Variants in AP3B1 observed in about 807,000 individuals in gnomAD.
The protein encoded by AP3B1 is adaptor related protein complex 3 subunit beta 1.
A neutral mutation model predicts 132.5 loss-of-function variants in AP3B1; 61 were observed. The observed-to-expected ratio is 0.46, with a 90% CI of 0.37 to 0.57. AP3B1 has a LOEUF of 0.57. AP3B1 is among the 20% of genes least tolerant of loss of function. AP3B1 has a pLI of 0.00. For synonymous variants in AP3B1, 388 were observed against 438.3 expected (o/e 0.89, Z 1.43); for missense variants, 1,120 against 1,289.4 (o/e 0.87, Z 2.01).
intron 2 of AP3B1, among the ~76,000 whole-genome samples, chr5:78,265,668 C>A (rs1166848784): frequency 6.6e-6 from 1 of 152,104 alleles, no homozygotes; most frequent in Admixed American, 6.5e-5. Context: ...AATGTGAGGT[C>A]TTCTGACAGC....
chr5:78,099,059 T>G (rs1751020257), intron 21 of AP3B1, among the ~76,000 whole-genome samples: 1 of 152,180 alleles, frequency 6.6e-6, no homozygotes, highest in Non-Finnish European at 1.5e-5. Flanking sequence ...TGAATGGGAT[T>G]ATTGCCCTTA....
intron 15 of AP3B1, 73 bp downstream of exon 15, chr5:78,141,070 C>G (rs1753123913): frequency 7.1e-7 from 1 of 1,415,564 alleles, no homozygotes; most frequent in Non-Finnish European, 1.0e-6. Flanking sequence ...AATGAAGGCA[C>G]AGACCCCCGC....
intron 22 of AP3B1, among the ~76,000 whole-genome samples, chr5:78,080,027 T>C (rs891452115): frequency 1.3e-5 from 2 of 152,206 alleles, no homozygotes; most frequent in African/African-American, 4.8e-5. Context: ...TATTTATTTA[T>C]TTGACAGGTC....
chr5:78,095,464 T>G (rs1002791268), intron 21 of AP3B1, among the ~76,000 whole-genome samples: 1 of 152,198 alleles, frequency 6.6e-6, no homozygotes, highest in Non-Finnish European at 1.5e-5. Context: ...GGAGAACCAT[T>G]GCAGGCTAAT....
chr5:78,254,814 G>T (rs562272206), intron 2 of AP3B1, among the ~76,000 whole-genome samples: 1 of 152,084 alleles, frequency 6.6e-6, no homozygotes, highest in Non-Finnish European at 1.5e-5. Context: ...TAAAACTGTA[G>T]CTGTGATGTA....
chr5:78,169,171 A>G (rs1420465790), intron 11 of AP3B1, among the ~76,000 whole-genome samples: 1 of 152,142 alleles, frequency 6.6e-6, no homozygotes, highest in Admixed American at 6.5e-5. Context: ...CTATAGATTT[A>G]TATTCCTAAC....
At chr5:78,239,438 T>C (rs1473904435) in intron 3 of AP3B1, among the ~76,000 whole-genome samples, 4 of 129,576 alleles carry the variant, frequency 3.1e-5, no homozygotes, top group Non-Finnish European at 6.2e-5. Flanking sequence ...GCCACTGCAC[T>C]CCAGCCTGGG....
intron 22 of AP3B1, among the ~76,000 whole-genome samples, chr5:78,064,700 G>C (rs1229946591): frequency 1.3e-5 from 2 of 152,156 alleles, no homozygotes; most frequent in Non-Finnish European, 2.9e-5. Context: ...TTTTTAGAGA[G>C]AGCATTTAAG....
chr5:78,148,957 G>A (rs1164152712), intron 14 of AP3B1, among the ~76,000 whole-genome samples: 1 of 152,114 alleles, frequency 6.6e-6, no homozygotes, highest in Non-Finnish European at 1.5e-5. Context: ...TTGATGCTTG[G>A]TGGATAGGAA....
intron 14 of AP3B1, among the ~76,000 whole-genome samples, chr5:78,149,545 A>C (rs1561440199): frequency 6.6e-6 from 1 of 152,192 alleles, no homozygotes; most frequent in Non-Finnish European, 1.5e-5. Flanking sequence ...TTCAAAAAAC[A>C]CTCAATATTC....
chr5:78,039,254 T>C lies in AP3B1; in HGVS notation c.2598A>G (p.Val866=). Residue 866 remains valine, a synonymous_variant, in exon 23 of 27, where the codon GTA becomes GTG. Coordinates refer to ENST00000255194, the MANE Select transcript of AP3B1 (RefSeq NM_003664.5). The part of the protein sequence containing the change: ...SVISVSTPAF[V]PTKTHVLLHR... ...GAAGCAGCACGTGAGTTTTCGTTGG[T>C]ACAAATGCAGGAGTACTGACCTATT... 2 of 1,614,102 alleles carry C rather than the reference T, an allele frequency of 1.2e-6. No individual in the cohort carries two copies. Among genetic ancestry groups the C allele is most frequent in the South Asian group, 2.2e-5 (2 of 91,086 alleles).
At chr5:78,284,422 C>A (rs1749186579) in intron 1 of AP3B1, among the ~76,000 whole-genome samples, 1 of 152,142 alleles carries the variant, frequency 6.6e-6, no homozygotes, top group Non-Finnish European at 1.5e-5. Context: ...TTTAAATCCT[C>A]TAGTGGAGCT....
At position 78,128,127 on chromosome 5, in the gene AP3B1, T is replaced by C; in HGVS notation, c.1871A>G (p.His624Arg). 6.2e-7 allele frequency: 1 copy of C among 1,611,332 alleles called. No individual in the cohort carries two copies. The highest frequency in any genetic ancestry group is 8.5e-7 in the Non-Finnish European group (1 of 1,177,736). Residue 624 changes from histidine to arginine, a missense_variant, in exon 17 of 27, where the codon CAT becomes CGT. Coordinates refer to ENST00000255194, the MANE Select transcript of AP3B1 (RefSeq NM_003664.5). ...RDHFQLGTLS[H>R]TLNIKATGYL... ...CCCAGTAGCTTTAATGTTGAGAGTATGAGATAAGGTGCCAAGCTGGAAATG... is the reference window on the plus strand; with the variant it reads ...CCCAGTAGCTTTAATGTTGAGAGTACGAGATAAGGTGCCAAGCTGGAAATG...
chr5:78,156,227 ATTC>A, intron 14 of AP3B1, 28 bp downstream of exon 14: 2 of 1,496,220 alleles, frequency 1.3e-6, no homozygotes, highest in Non-Finnish European at 1.9e-6. Flanking sequence ...ACTGAATAAA[ATTC>A]AGCAAACATC....
intron 11 of AP3B1, among the ~76,000 whole-genome samples, chr5:78,171,074 T>G (rs1056997859): frequency 6.6e-6 from 1 of 152,210 alleles, no homozygotes; most frequent in Non-Finnish European, 1.5e-5. Flanking sequence ...GAGACTTCTG[T>G]TCTGTTCCAT....
chr5:78,259,184 C>T (rs1580556356), intron 2 of AP3B1, among the ~76,000 whole-genome samples: 1 of 150,902 alleles, frequency 6.6e-6, no homozygotes, highest in African/African-American at 2.4e-5. Flanking sequence ...GGAGGTGGAG[C>T]TTGCAGTGAG....
At position 78,294,463 on chromosome 5, in the gene AP3B1, G is replaced by T. The variant is rs1312354149; in HGVS notation, c.117C>A (p.Ser39Arg). The change falls in exon 1 of 27, where the codon AGC becomes AGA. Residue 39 changes from serine to arginine, a missense_variant. By Grantham distance (110) the Ser-to-Arg change is moderately radical. Around this residue, in one of 3 missense-constraint regions of AP3B1, gnomAD observed 85 missense variants for 79.9 expected, o/e 1.06. Coordinates refer to ENST00000255194, the MANE Select transcript of AP3B1 (RefSeq NM_003664.5). ...SPSGAFGLFSSDLKKNEDLKQ... is the reference protein window; with the variant it reads ...SPSGAFGLFSRDLKKNEDLKQ... Reference sequence around the variant, plus strand: ...ACCTTTCTCCTCACTTCTTCAAATCGCTGCTAAAGAGGCCGAAGGCCCCCG... The same window carrying T: ...ACCTTTCTCCTCACTTCTTCAAATCTCTGCTAAAGAGGCCGAAGGCCCCCG... 6.2e-7 allele frequency: 1 copy of T among 1,614,036 alleles called. No homozygotes were observed. Among genetic ancestry groups the T allele is most frequent in the Non-Finnish European group, 8.5e-7 (1 of 1,180,040 alleles).
chr5:78,119,899 A>C (rs1217307448), intron 17 of AP3B1, among the ~76,000 whole-genome samples: 3 of 152,228 alleles, frequency 2.0e-5, no homozygotes, highest in African/African-American at 7.2e-5. Context: ...CAGATTCACC[A>C]AACTTGAAAT....
At chr5:78,060,853 G>T (rs930996361) in intron 22 of AP3B1, among the ~76,000 whole-genome samples, 1 of 151,962 alleles carries the variant, frequency 6.6e-6, no homozygotes, top group South Asian at 2.1e-4. Flanking sequence ...TCTATCCATG[G>T]ATAAAAGTCT....
Sources: allele counts gnomAD v4.1 joint callset (sites outside exome capture counted in the v4.1 genomes callset), GRCh38; gene constraint gnomAD v4.1.1; regional missense constraint gnomAD v4.1.1; transcripts MANE v1.5; gene names NCBI Gene and HGNC (gene_info 2026-07-23, HGNC 2026-07-21).